The following IL1RAPL2 variants were observed in gnomAD, a reference collection of about 807,000 sequenced individuals.
The protein encoded by IL1RAPL2 is interleukin 1 receptor accessory protein like 2, also known as X-linked interleukin-1 receptor accessory protein-like 2.
In IL1RAPL2, 3 loss-of-function variants were observed where a neutral mutation model predicts 44.1. That is an observed-to-expected ratio of 0.07 (90% CI 0.03 to 0.18). The LOEUF is 0.18. IL1RAPL2 is among the 10% of genes least tolerant of loss of function. IL1RAPL2 has a pLI of 1.00. For missense variants in IL1RAPL2, 391 were observed against 496.4 expected (o/e 0.79, Z 2.02); for synonymous variants, 181 against 178.8 (o/e 1.01, Z -0.10).
chrX:105,071,961 G>T (rs747741725), intron 2 of IL1RAPL2, among the ~76,000 whole-genome samples: 2 of 112,066 alleles, frequency 1.8e-5, no homozygotes, highest in South Asian at 7.5e-4. Flanking sequence ...TCTGAGCAAA[G>T]ATTGTTTTGG....
rs181832247 is a variant in IL1RAPL2, at chrX:104,605,525, C to G, written c.-20+38474C>G. Among the ~76,000 whole-genome samples, 115 of 111,228 alleles carry G rather than the reference C, an allele frequency of 1.0e-3. 2 individuals carry two copies. Among genetic ancestry groups the G allele is most frequent in the African/African-American group, 3.0e-3 (92 of 30,668 alleles). ...AAACCCTTCAAAACATCCATGAATC[C>G]AGGAGCTGGTTCTGTGAAAAGATCA... On this transcript the variant is annotated intron_variant, in intron 1 of 10. Coordinates refer to ENST00000372582, the MANE Select transcript of IL1RAPL2 (RefSeq NM_017416.2).
chrX:105,760,626 A>C (rs1001120616), intron 10 of IL1RAPL2, among the ~76,000 whole-genome samples: 1 of 112,321 alleles, frequency 8.9e-6, no homozygotes, highest in African/African-American at 3.2e-5. Context: ...GTGAAAGTAC[A>C]GGATTCATTA....
intron 5 of IL1RAPL2, among the ~76,000 whole-genome samples, chrX:105,337,889 TCACA>T (rs748127601): frequency 4.7e-4 from 49 of 104,712 alleles, no homozygotes; most frequent in Middle Eastern, 9.8e-3. Context: ...AGACTCCATC[TCACA>T]CACACACACA....
At chrX:105,239,318 G>T (rs989817686) in intron 4 of IL1RAPL2, among the ~76,000 whole-genome samples, 12 of 111,764 alleles carry the variant, frequency 1.1e-4, no homozygotes, top group African/African-American at 3.6e-4. Context: ...CAGTTATAGA[G>T]CCTATCATAA....
At chrX:105,149,101 C>T (rs1169138422) in intron 2 of IL1RAPL2, among the ~76,000 whole-genome samples, 1 of 112,164 alleles carries the variant, frequency 8.9e-6, no homozygotes, top group African/African-American at 3.2e-5. Context: ...GCTCTGTATA[C>T]AAGGCTTTTA....
Position 105,144,993 on chromosome X carries a change from C to T in IL1RAPL2, c.83-50482C>T, listed in dbSNP as rs763170041. 1.6e-3 allele frequency among the ~76,000 whole-genome samples: 174 copies of T among 111,367 alleles called. 1 individual carries two copies. Among genetic ancestry groups the T allele is most frequent in the Non-Finnish European group, 1.9e-3 (99 of 53,063 alleles). ...TGTGAGCTTCTCTAAAGGCAAGGAC[C>T]ATATTTTATTCTGCTGTGTCCCCAA... On this transcript the variant is annotated intron_variant, in intron 2 of 10. Coordinates refer to ENST00000372582, the MANE Select transcript of IL1RAPL2 (RefSeq NM_017416.2).
chrX:104,619,991 A>G lies in IL1RAPL2; in HGVS notation c.-19-38904A>G, dbSNP rs73635150. ...GTGAGGAAGTACTAGCATTCTAGGG[A>G]GAGAGGAAGCATGTATGGGGCCCTG... is the stretch of plus-strand genomic sequence containing the variant. On this transcript the variant is annotated intron_variant, in intron 1 of 10. Transcript: ENST00000372582. Among the ~76,000 whole-genome samples the G allele has an allele frequency of 5.8e-3, 641 of 111,145 alleles. 3 individuals are homozygous for G. Among genetic ancestry groups the G allele is most frequent in the African/African-American group, 0.02 (603 of 30,530 alleles).
At chrX:105,116,767 T>C (rs917232659) in intron 2 of IL1RAPL2, among the ~76,000 whole-genome samples, 1 of 112,752 alleles carries the variant, frequency 8.9e-6, no homozygotes, top group African/African-American at 3.2e-5. Flanking sequence ...AATTTTTTGG[T>C]AGGAAATTAG....
chrX:104,672,900 G>A (rs1312808692), intron 2 of IL1RAPL2, among the ~76,000 whole-genome samples: 4 of 111,898 alleles, frequency 3.6e-5, no homozygotes, highest in Non-Finnish European at 7.5e-5. Context: ...GTCTTCTTTT[G>A]AGAAGTGTCT....
intron 5 of IL1RAPL2, among the ~76,000 whole-genome samples, chrX:105,337,626 TCACGCCTGTAATCCCAG>T (rs1270389997): frequency 4.0e-4 from 45 of 112,054 alleles, no homozygotes; most frequent in African/African-American, 1.4e-3. Flanking sequence ...GTGCAGTGGC[TCACGCCTGTAATCCCAG>T]CACTTTGGGA....
intron 2 of IL1RAPL2, among the ~76,000 whole-genome samples, chrX:105,159,523 G>A: frequency 8.9e-6 from 1 of 112,511 alleles, no homozygotes; most frequent in Non-Finnish European, 1.9e-5. Context: ...TCCCCTATGG[G>A]ACACTCTTTT....
At chrX:105,024,422 T>A (rs1256345285) in intron 2 of IL1RAPL2, among the ~76,000 whole-genome samples, 2 of 111,429 alleles carry the variant, frequency 1.8e-5, no homozygotes, top group Admixed American at 1.9e-4. Flanking sequence ...AAGTCTACCC[T>A]CTGGATTCAG....
At chrX:104,808,358 G>A (rs1328056094) in intron 2 of IL1RAPL2, among the ~76,000 whole-genome samples, 2 of 111,240 alleles carry the variant, frequency 1.8e-5, no homozygotes, top group Non-Finnish European at 3.8e-5. Flanking sequence ...TCATAAATGG[G>A]GACACTAAAC....
intron 6 of IL1RAPL2, among the ~76,000 whole-genome samples, chrX:105,660,914 G>T (rs1404289098): frequency 1.8e-5 from 2 of 110,987 alleles, no homozygotes; most frequent in Non-Finnish European, 3.8e-5. Context: ...AAAATGGCAG[G>T]AGTAAATCCT....
chrX:104,731,800 A>G (rs1367775169), intron 2 of IL1RAPL2, among the ~76,000 whole-genome samples: 1 of 112,094 alleles, frequency 8.9e-6, no homozygotes, highest in Non-Finnish European at 1.9e-5. Flanking sequence ...ATGGACATAA[A>G]TAGAACTCTG....
At chrX:104,760,723 A>G (rs909583468) in intron 2 of IL1RAPL2, among the ~76,000 whole-genome samples, 1 of 111,168 alleles carries the variant, frequency 9.0e-6, no homozygotes, top group Non-Finnish European at 1.9e-5. Context: ...ATTTTCTCTC[A>G]TGATGCGGGT....
At chrX:105,277,173 C>G (rs1042531908) in intron 5 of IL1RAPL2, among the ~76,000 whole-genome samples, 1 of 112,163 alleles carries the variant, frequency 8.9e-6, no homozygotes, top group Non-Finnish European at 1.9e-5. Flanking sequence ...CCTCCATGTT[C>G]ACTATGAGCA....
At chrX:105,471,468 G>A (rs1378433971) in intron 5 of IL1RAPL2, among the ~76,000 whole-genome samples, 1 of 111,922 alleles carries the variant, frequency 8.9e-6, no homozygotes, top group Non-Finnish European at 1.9e-5. Flanking sequence ...TCAGCCTGAT[G>A]CTAATGAACA....
At chrX:105,703,826 T>A (rs2038140877) in intron 6 of IL1RAPL2, among the ~76,000 whole-genome samples, 1 of 112,148 alleles carries the variant, frequency 8.9e-6, no homozygotes, top group Non-Finnish European at 1.9e-5. Context: ...AACCTCACTG[T>A]CTCAGATTAA....
Sources: allele counts gnomAD v4.1 joint callset (sites outside exome capture counted in the v4.1 genomes callset), GRCh38; gene constraint gnomAD v4.1.1; transcripts MANE v1.5; gene names NCBI Gene and HGNC (gene_info 2026-07-23, HGNC 2026-07-21).